The following ANKRD13C variants were observed in gnomAD, a reference collection of about 807,000 sequenced individuals.
The protein encoded by ANKRD13C is ankyrin repeat domain-containing protein 13C.
A neutral mutation model predicts 65.5 loss-of-function variants in ANKRD13C; 16 were observed. The ratio of observed to expected loss-of-function variants is 0.24; its 90% confidence interval spans 0.17 to 0.37. The LOEUF (loss-of-function observed/expected upper bound fraction) is 0.37, where lower values mean the gene tolerates loss of function less well. Ranked by LOEUF, ANKRD13C falls within the 10% of genes least tolerant of loss-of-function variation. ANKRD13C has a pLI of 1.00. For missense variants in ANKRD13C, 503 were observed against 655.9 expected, an observed-to-expected ratio of 0.77 and a Z score of 2.55; for synonymous variants, 235 against 238.7, an observed-to-expected ratio of 0.98 and a Z score of 0.14.
chr1:70,354,029 C>A lies in ANKRD13C; in HGVS notation c.380G>T (p.Arg127Ile). Residue 127 changes from arginine (R) to isoleucine (I), a missense_variant, in exon 1 of 13, where the codon AGA (arginine) becomes ATA (isoleucine). By Grantham distance (97) the Arg-to-Ile change is moderately conservative. Around this residue, in one of 2 missense-constraint regions of ANKRD13C, gnomAD observed 203 missense variants for 177.6 expected, o/e 1.14. Transcript: ENST00000370944. ...GTGCGTGCGGATGAGAGAGGAGAGT[C>A]TCCTCACATCCCCCTTGAAGACGCA... ...HECVFKGDVR[R>I]LSSLIRTHNI... is the part of the protein sequence containing the mutation. 6.4e-7 allele frequency: 1 copy of A among 1,567,490 alleles called. No individual in the cohort carries two copies. Among genetic ancestry groups the A allele is most frequent in the Admixed American group, 1.9e-5 (1 of 53,930 alleles).
At chr1:70,283,540 G>C (rs1222312895) in intron 9 of ANKRD13C, among the ~76,000 whole-genome samples, 1 of 151,966 alleles carries the variant, frequency 6.6e-6, no homozygotes, top group East Asian at 1.9e-4. Flanking sequence ...ATCCATGCCG[G>C]GTGCGGTGGC....
At chr1:70,311,617 T>C (rs1240117692) in intron 5 of ANKRD13C, among the ~76,000 whole-genome samples, 1 of 152,158 alleles carries the variant, frequency 6.6e-6, no homozygotes, top group African/African-American at 2.4e-5. Flanking sequence ...CATTTGAAAG[T>C]AGTCATACGA....
intron 8 of ANKRD13C, chr1:70,293,418 G>T: frequency 3.8e-6 from 1 of 260,828 alleles, no homozygotes; most frequent in Non-Finnish European, 6.0e-6. Context: ...TTGTGTTCCA[G>T]TCCACCTTGC....
intron 9 of ANKRD13C, among the ~76,000 whole-genome samples, chr1:70,287,292 T>C (rs973222903): frequency 1.3e-5 from 2 of 152,028 alleles, no homozygotes. Flanking sequence ...GATCTATAGA[T>C]TCAACACCAT....
intron 5 of ANKRD13C, among the ~76,000 whole-genome samples, chr1:70,309,711 G>A (rs1279793807): frequency 3.0e-5 from 4 of 132,256 alleles, no homozygotes; most frequent in South Asian, 2.7e-4. Flanking sequence ...GCCAGACTCC[G>A]TCGCAAAAAA....
intron 3 of ANKRD13C, among the ~76,000 whole-genome samples, chr1:70,321,944 T>C (rs1025285701): frequency 3.9e-5 from 6 of 152,214 alleles, no homozygotes; most frequent in African/African-American, 1.2e-4. Flanking sequence ...TCTCTGATTT[T>C]TCAAAAAACA....
intron 12 of ANKRD13C, 79 bp from the exon 13 acceptor site, chr1:70,262,926 C>A (rs1678445992): frequency 7.7e-6 from 7 of 910,260 alleles, no homozygotes; most frequent in Non-Finnish European, 1.1e-5. Flanking sequence ...TTGGAGATGT[C>A]CATACTCCTT....
intron 12 of ANKRD13C, among the ~76,000 whole-genome samples, chr1:70,267,495 T>C (rs1251562175): frequency 6.6e-6 from 1 of 152,086 alleles, no homozygotes; most frequent in Non-Finnish European, 1.5e-5. Context: ...CACCTCAGCC[T>C]CCCAAGTAGC....
At chr1:70,311,198 G>A (rs1200776811) in intron 5 of ANKRD13C, among the ~76,000 whole-genome samples, 1 of 152,076 alleles carries the variant, frequency 6.6e-6, no homozygotes, top group African/African-American at 2.4e-5. Context: ...ACTATGGGTT[G>A]AATAAAAATG....
intron 3 of ANKRD13C, among the ~76,000 whole-genome samples, chr1:70,318,228 A>G (rs1202011721): frequency 1.3e-5 from 2 of 152,210 alleles, no homozygotes; most frequent in Admixed American, 6.5e-5. Context: ...ATACTGATTA[A>G]CAATGAAGAT....
In ANKRD13C at chr1:70,278,755, A is replaced by T. The variant is rs532804666; in HGVS notation, c.1216-1911T>A. Among the ~76,000 whole-genome samples, 5 of 152,298 alleles carry T rather than the reference A, an allele frequency of 3.3e-5. No individual in the cohort carries two copies. The South Asian group carries it at 1.0e-3, about 32-fold the overall frequency. On this transcript the variant is annotated intron_variant, in intron 9 of 12. Transcript: ENST00000370944. ...GTTGTTAAAATCAAGGATTGCTAAG[A>T]CACAAAATTGAGTTAGAATCCCAGC...
intron 12 of ANKRD13C, among the ~76,000 whole-genome samples, chr1:70,263,975 A>G (rs552598623): frequency 6.6e-6 from 1 of 152,320 alleles, no homozygotes; most frequent in African/African-American, 2.4e-5. Context: ...AGATTTAAAC[A>G]CAATAATCAA....
intron 6 of ANKRD13C, 79 bp downstream of exon 6, chr1:70,306,145 T>C: frequency 1.0e-6 from 1 of 978,202 alleles, no homozygotes; most frequent in Non-Finnish European, 1.5e-6. Flanking sequence ...AAAACACATG[T>C]AAGTTATGAT....
chr1:70,294,119 A>G (rs1679975498), intron 8 of ANKRD13C, among the ~76,000 whole-genome samples: 1 of 152,244 alleles, frequency 6.6e-6, no homozygotes, highest in African/African-American at 2.4e-5. Context: ...ACGACATACT[A>G]AAGAATGAGG....
intron 12 of ANKRD13C, among the ~76,000 whole-genome samples, chr1:70,264,078 G>A (rs1268191332): frequency 6.6e-6 from 1 of 152,120 alleles, no homozygotes; most frequent in Non-Finnish European, 1.5e-5. Context: ...CCAGGGGTCT[G>A]TACACTAAGT....
intron 3 of ANKRD13C, among the ~76,000 whole-genome samples, chr1:70,324,544 A>C (rs1681451022): frequency 6.6e-6 from 1 of 152,254 alleles, no homozygotes; most frequent in Non-Finnish European, 1.5e-5. Flanking sequence ...AGTTGCCAAA[A>C]AGGACAGTCA....
chr1:70,342,739 A>AACAG (rs1553252218), intron 1 of ANKRD13C, among the ~76,000 whole-genome samples: 5 of 115,262 alleles, frequency 4.3e-5, no homozygotes, highest in African/African-American at 1.4e-4. Flanking sequence ...CACACACAAT[A>AACAG]ACACACACAC....
intron 9 of ANKRD13C, among the ~76,000 whole-genome samples, chr1:70,285,352 C>T (rs960171049): frequency 6.6e-6 from 1 of 151,614 alleles, no homozygotes; most frequent in African/African-American, 2.4e-5. Flanking sequence ...ACTACCATGC[C>T]CACGAATTTT....
intron 11 of ANKRD13C, among the ~76,000 whole-genome samples, chr1:70,272,163 CTT>C (rs369467004): frequency 3.6e-5 from 5 of 139,184 alleles, no homozygotes; most frequent in African/African-American, 1.0e-4. Context: ...AGGTAATTTT[CTT>C]TTTTTTTTTT....
Sources: gnomAD v4.1 joint callset for allele counts (sites outside exome capture counted in the v4.1 genomes callset) on GRCh38, gnomAD v4.1.1 for gene constraint, gnomAD v4.1.1 regional missense constraint, MANE v1.5 for transcripts, NCBI Gene and HGNC (gene_info 2026-07-23, HGNC 2026-07-21) for gene names.